ANKS1B: variants seen among roughly 807,000 people sequenced by gnomAD.
The protein encoded by ANKS1B is ankyrin repeat and sterile alpha motif domain-containing protein 1B.
A neutral mutation model predicts 148.3 loss-of-function variants in ANKS1B; 36 were observed. The observed-to-expected ratio is 0.24, with a 90% CI of 0.19 to 0.32. The LOEUF (loss-of-function observed/expected upper bound fraction) is 0.32. ANKS1B is among the 10% of genes least tolerant of loss of function. ANKS1B has a pLI of 1.00. For synonymous variants in ANKS1B, 542 were observed against 560.8 expected (o/e 0.97, Z 0.47); for missense variants, 1,157 against 1,542.6 (o/e 0.75, Z 4.19).
intron 9 of ANKS1B, among the ~76,000 whole-genome samples, chr12:99,595,498 A>G: frequency 6.6e-6 from 1 of 151,982 alleles, no homozygotes; most frequent in Admixed American, 6.6e-5. Context: ...GAAATGTACA[A>G]AACACATTTT....
At chr12:99,653,940 AGGTG>A (rs1365980746) in intron 9 of ANKS1B, among the ~76,000 whole-genome samples, 6 of 152,254 alleles carry the variant, frequency 3.9e-5, no homozygotes, top group African/African-American at 1.4e-4. Flanking sequence ...CTGAGATTAC[AGGTG>A]TGAGATACCA....
intron 11 of ANKS1B, among the ~76,000 whole-genome samples, chr12:99,416,477 A>G (rs2094913501): frequency 1.3e-5 from 2 of 152,218 alleles, no homozygotes; most frequent in African/African-American, 4.8e-5. Flanking sequence ...CCAGCAATCT[A>G]TGAGCTTCTC....
intron 16 of ANKS1B, among the ~76,000 whole-genome samples, chr12:99,069,935 A>T (rs2045740034): frequency 6.6e-6 from 1 of 152,090 alleles, no homozygotes; most frequent in African/African-American, 2.4e-5. Context: ...TTCAATCCTG[A>T]CTCTGACACT....
intron 8 of ANKS1B, among the ~76,000 whole-genome samples, chr12:99,724,504 T>G (rs1001355935): frequency 1.3e-5 from 2 of 152,088 alleles, no homozygotes; most frequent in African/African-American, 4.8e-5. Context: ...TATAGGATTA[T>G]GTAAAAAGAC....
chr12:99,716,939 T>C (rs1047181918), intron 8 of ANKS1B, among the ~76,000 whole-genome samples: 2 of 152,158 alleles, frequency 1.3e-5, no homozygotes, highest in African/African-American at 4.8e-5. Context: ...CTGGTCCAGC[T>C]TACAGTTTCA....
At chr12:99,557,101 A>AT (rs965561308) in intron 9 of ANKS1B, among the ~76,000 whole-genome samples, 2 of 151,930 alleles carry the variant, frequency 1.3e-5, no homozygotes, top group African/African-American at 4.8e-5. Flanking sequence ...TGCCTTTAAC[A>AT]TTTTTTCTTT....
intron 12 of ANKS1B, among the ~76,000 whole-genome samples, chr12:99,281,079 G>A (rs1340963918): frequency 6.6e-6 from 1 of 152,074 alleles, no homozygotes; most frequent in East Asian, 1.9e-4. Flanking sequence ...TGGAGAGGAT[G>A]CTATGAACCT....
intron 1 of ANKS1B, among the ~76,000 whole-genome samples, chr12:99,965,109 A>G (rs11110160): frequency 0.073 from 11,096 of 152,274 alleles, 465 homozygotes; most frequent in South Asian, 0.11. Context: ...AGCCATGAGC[A>G]TAACAATACC....
intron 24 of ANKS1B, among the ~76,000 whole-genome samples, chr12:98,776,494 T>C (rs918306): frequency 0.96 from 146,155 of 152,336 alleles, 70,130 homozygotes; most frequent in East Asian, 1. Flanking sequence ...CACCCTTCAA[T>C]AGGGAGAGAT....
At chr12:99,879,107 C>G (rs76083996) in intron 1 of ANKS1B, among the ~76,000 whole-genome samples, 1 of 152,266 alleles carries the variant, frequency 6.6e-6, no homozygotes, top group African/African-American at 2.4e-5. Flanking sequence ...GAGTAGTAAG[C>G]TTTACTAAAG....
intron 17 of ANKS1B, among the ~76,000 whole-genome samples, chr12:98,870,976 C>T (rs11612675): frequency 0.19 from 29,631 of 152,162 alleles, 3,254 homozygotes; most frequent in African/African-American, 0.29. Flanking sequence ...GGGAAGGTGC[C>T]ACCATTTCAT....
At chr12:99,664,905 T>C (rs944039204) in intron 8 of ANKS1B, among the ~76,000 whole-genome samples, 3 of 152,242 alleles carry the variant, frequency 2.0e-5, no homozygotes, top group Non-Finnish European at 4.4e-5. Context: ...TAAAATTCAC[T>C]CAGCCTAATG....
chr12:99,078,021 G>C (rs61043882), intron 16 of ANKS1B, among the ~76,000 whole-genome samples: 2,250 of 152,138 alleles, frequency 0.015, 51 homozygotes, highest in African/African-American at 0.052. Flanking sequence ...CAGTTTTTTT[G>C]GGGGGTGAGG....
At chr12:99,009,577 G>A (rs999090078) in intron 17 of ANKS1B, among the ~76,000 whole-genome samples, 3 of 152,166 alleles carry the variant, frequency 2.0e-5, no homozygotes, top group Non-Finnish European at 4.4e-5. Context: ...TCCAGCCCAT[G>A]ATCTCCTGTG....
rs138914805 is a variant in ANKS1B, at chr12:99,748,909, C to T, written c.1128+24013G>A. On this transcript the variant is annotated intron_variant, in intron 8 of 26. Coordinates refer to ENST00000683438, the MANE Select transcript of ANKS1B (RefSeq NM_001352186.2). ...AGTTACATTACTTAAATATTCTGTC[C>T]TACTGAATTAACAAATCCTGGGAGT... Among the ~76,000 whole-genome samples, 4 of 152,108 alleles carry T rather than the reference C, an allele frequency of 2.6e-5. No individual in the cohort carries two copies. In the East Asian group the frequency reaches 7.7e-4, roughly 29 times the overall value.
intron 12 of ANKS1B, among the ~76,000 whole-genome samples, chr12:99,371,125 C>G (rs1466154774): frequency 6.6e-6 from 1 of 151,974 alleles, no homozygotes; most frequent in Non-Finnish European, 1.5e-5. Flanking sequence ...TGTCAAACTA[C>G]CCCTGCTTTT....
At position 98,807,763 on chromosome 12, in the gene ANKS1B, T is replaced by C. The variant is rs893053545; in HGVS notation, c.3141+81A>G. ...AATTTTCTGCATTGCCAGGACACAGTACCTATAGCTGTTGACAACACTGTG... is the reference window on the plus strand; with the variant it reads ...AATTTTCTGCATTGCCAGGACACAGCACCTATAGCTGTTGACAACACTGTG... On this transcript the variant is annotated intron_variant, in intron 20 of 26. Coordinates refer to ENST00000683438, the MANE Select transcript of ANKS1B (RefSeq NM_001352186.2). 8.3e-6 allele frequency: 10 copies of C among 1,200,250 alleles called. No homozygotes were observed. In the African/African-American group the frequency reaches 1.2e-4, roughly 15 times the overall value. 74.4% of individuals were successfully genotyped at this position (1,200,250 alleles called of 1,614,324 possible).
chr12:99,882,087 C>T lies in ANKS1B; in HGVS notation c.135-56698G>A, dbSNP rs145201313. Among the ~76,000 whole-genome samples, 9 of 152,142 alleles carry T rather than the reference C, an allele frequency of 5.9e-5. No individual in the cohort carries two copies. In the East Asian group the frequency reaches 1.5e-3, roughly 26 times the overall value. ...GGAAATAGAAGACGTGAAGAAGAAC[C>T]AAATGGAAAATTTAGAACTGAAAAA... On this transcript the variant is annotated intron_variant, in intron 1 of 26. Coordinates refer to ENST00000683438, the MANE Select transcript of ANKS1B (RefSeq NM_001352186.2).
intron 9 of ANKS1B, among the ~76,000 whole-genome samples, chr12:99,617,330 G>A (rs529145089): frequency 2.0e-5 from 3 of 151,788 alleles, no homozygotes; most frequent in East Asian, 1.9e-4. Flanking sequence ...CCACTATGAC[G>A]ACACACATGG....
Sources: gnomAD v4.1 joint callset for allele counts (sites outside exome capture counted in the v4.1 genomes callset) on GRCh38, gnomAD v4.1.1 for gene constraint, MANE v1.5 for transcripts, NCBI Gene and HGNC (gene_info 2026-07-23, HGNC 2026-07-21) for gene names.